ARAP1: variants seen among roughly 807,000 people sequenced by gnomAD.
The protein encoded by ARAP1 is ArfGAP with RhoGAP domain, ankyrin repeat and PH domain 1.
ARAP1 carries 76 observed loss-of-function variants against 172.2 expected under a neutral mutation model. The ratio of observed to expected loss-of-function variants is 0.44; its 90% CI spans 0.37 to 0.53. The LOEUF (loss-of-function observed/expected upper bound fraction) is 0.53, where lower values mean the gene tolerates loss of function less well. ARAP1 is among the 20% of genes least tolerant of loss of function. The pLI, the probability that ARAP1 is intolerant of heterozygous loss-of-function variation, is 0.00. For synonymous variants in ARAP1, 804 were observed against 803.3 expected, an observed-to-expected ratio of 1.00 and a Z score of -0.01; for missense variants, 1,686 against 1,977.5, an observed-to-expected ratio of 0.85 and a Z score of 2.80.
chr11:72,687,344 G>A (rs558764767), intron 33 of ARAP1, 95 bp downstream of exon 33: 13 of 1,460,506 alleles, frequency 8.9e-6, no homozygotes, highest in Admixed American at 1.7e-5. Context: ...CTTGAAGCAA[G>A]GGGTGGGTTG....
intron 1 of ARAP1, among the ~76,000 whole-genome samples, chr11:72,749,043 T>C (rs1289869343): frequency 6.6e-6 from 1 of 152,148 alleles, no homozygotes; most frequent in African/African-American, 2.4e-5. Flanking sequence ...GTGCTGACTC[T>C]AACCTGCCCA....
intron 3 of ARAP1, among the ~76,000 whole-genome samples, chr11:72,719,564 C>A (rs935897972): frequency 6.6e-6 from 1 of 152,208 alleles, no homozygotes; most frequent in Non-Finnish European, 1.5e-5. Flanking sequence ...AGAACCTCTT[C>A]ACCTTGAAGG....
At position 72,693,968 on chromosome 11, in the gene ARAP1, G is replaced by A. The variant is rs960071778; in HGVS notation, c.3695-163C>T. On this transcript the variant is annotated intron_variant, in intron 27 of 34. Transcript: ENST00000393609. This position sits in a 1 kb window ranked among gnomAD's most constrained non-coding sequence, Gnocchi z 4.6. ...TCATGACCACCCTTCCCATGACCAA[G>A]CTTCAGGCTTGACACACCTGGCTGT... is the stretch of plus-strand genomic sequence containing the variant. Among the ~76,000 whole-genome samples, 1 of 151,966 alleles carries A rather than the reference G, an allele frequency of 6.6e-6. No homozygotes were observed. The highest frequency in any genetic ancestry group is 2.4e-5 in the African/African-American group (1 of 41,356).
chr11:72,701,818 G>A, intron 15 of ARAP1, 35 bp from the exon 16 acceptor site: 1 of 1,607,366 alleles, frequency 6.2e-7, no homozygotes, highest in Non-Finnish European at 8.5e-7. Context: ...AGGTCATGCT[G>A]GCCACCCAAG....
At chr11:72,747,559 G>C (rs1422467785) in intron 1 of ARAP1, among the ~76,000 whole-genome samples, 1 of 152,228 alleles carries the variant, frequency 6.6e-6, no homozygotes, top group African/African-American at 2.4e-5. Flanking sequence ...CTCAAGCAGA[G>C]AGGTAGAATG....
At chr11:72,716,981 A>C (rs1394165086) in intron 3 of ARAP1, among the ~76,000 whole-genome samples, 1 of 152,150 alleles carries the variant, frequency 6.6e-6, no homozygotes, top group African/African-American at 2.4e-5. Context: ...CGTCTCCCCT[A>C]CATGACCTGA....
In ARAP1 at chr11:72,697,023, G is replaced by C. The variant is rs769865924; in HGVS notation, c.3126C>G (p.Leu1042=). ...KRFLRDLPDG[L]FTRAQRLTWL... ...AGGTTAGGCGCTGGGCGCGAGTGAA[G>C]AGCCCATCAGGCAGGTCGCGCAGGA... Residue 1042 remains leucine (L), a synonymous_variant, in exon 22 of 35, where the codon CTC becomes CTG. Coordinates refer to ENST00000393609, the MANE Select transcript of ARAP1 (RefSeq NM_001040118.3). 9 of 1,609,362 alleles carry C rather than the reference G, an allele frequency of 5.6e-6. 1 individual carries two copies. The South Asian group carries it at 9.9e-5, about 18-fold the overall frequency.
At chr11:72,729,491 G>A (rs147752702) in intron 2 of ARAP1, among the ~76,000 whole-genome samples, 267 of 152,198 alleles carry the variant, frequency 1.8e-3, no homozygotes, top group African/African-American at 6.2e-3. Flanking sequence ...TACTCAGGAG[G>A]CTAAGGCAGA....
Position 72,695,700 on chromosome 11 carries a change from C to T in ARAP1, c.3420+18G>A. 6.2e-7 allele frequency: 1 copy of T among 1,614,144 alleles called. No homozygotes were observed. Among genetic ancestry groups the T allele is most frequent in the Non-Finnish European group, 8.5e-7 (1 of 1,180,000 alleles). Reference sequence around the variant, plus strand: ...AGGATCACCCCTGCCCTCCACTGCCCACTGGCCAGGGACGCACACTAAACA... The same window carrying T: ...AGGATCACCCCTGCCCTCCACTGCCTACTGGCCAGGGACGCACACTAAACA... On this transcript the variant is annotated intron_variant, in intron 24 of 34. Transcript: ENST00000393609. This position sits in a 1 kb window ranked among gnomAD's most constrained non-coding sequence, Gnocchi z 4.4.
At chr11:72,685,829 CAG>C in intron 34 of ARAP1, 148 bp from the exon 35 acceptor site, 1 of 1,350,374 alleles carries the variant, frequency 7.4e-7, no homozygotes. Context: ...CAGGGCCAGG[CAG>C]AGGGGACTCC....
intron 2 of ARAP1, among the ~76,000 whole-genome samples, chr11:72,731,132 G>C (rs1316594041): frequency 6.6e-6 from 1 of 152,180 alleles, no homozygotes. Context: ...CTTCCTCCTA[G>C]GACGAAAACT....
chr11:72,695,635 A>C lies in ARAP1; in HGVS notation c.3421-7T>G. The C allele has an allele frequency of 6.2e-7, 1 of 1,614,044 alleles. No individual in the cohort carries two copies. Among genetic ancestry groups the C allele is most frequent in the Middle Eastern group, 1.6e-4 (1 of 6,062 alleles). ...TGAGCTCTTCCTCATCCACCTGGGA[A>C]GGGGCGAGAGGCAGGGACAGGTGGT... On this transcript the variant is annotated splice_region_variant and splice_polypyrimidine_tract_variant and intron_variant, in intron 24 of 34. Coordinates refer to ENST00000393609, the MANE Select transcript of ARAP1 (RefSeq NM_001040118.3). The surrounding 1 kb of genome is among the most constrained non-coding windows in gnomAD (Gnocchi z 4.4).
At position 72,704,206 on chromosome 11, in the gene ARAP1, C is replaced by T; in HGVS notation, c.1938G>A (p.Glu646=). ...RRCHLEAKYR[E]GKYRRYHPLF... ...GCGGGTGGTAGCGGCGGTACTTGCC[C>T]TCACGGTACTTGGCCTCCAGGTGGC... The change falls in exon 14 of 35, where the codon GAG becomes GAA. Residue 646 remains glutamate (E), a synonymous_variant. Coordinates refer to ENST00000393609, the MANE Select transcript of ARAP1 (RefSeq NM_001040118.3). 1 of 1,614,010 alleles carries T rather than the reference C, an allele frequency of 6.2e-7. No individual in the cohort carries two copies. Among genetic ancestry groups the T allele is most frequent in the Non-Finnish European group, 8.5e-7 (1 of 1,180,000 alleles).
intron 33 of ARAP1, 29 bp downstream of exon 33, chr11:72,687,410 C>T: frequency 6.2e-7 from 1 of 1,613,930 alleles, no homozygotes; most frequent in Non-Finnish European, 8.5e-7. Context: ...CAGGGACCCA[C>T]CCCACACCCC....
intron 5 of ARAP1, chr11:72,712,826 G>T (rs1857088842): frequency 1.6e-6 from 1 of 614,598 alleles, no homozygotes; most frequent in Non-Finnish European, 2.9e-6. Flanking sequence ...GAAAAAGACT[G>T]CGGGCTAGGG....
At position 72,702,997 on chromosome 11, in the gene ARAP1, G is replaced by T; in HGVS notation, c.2075C>A (p.Ser692Ter). ...GGGCGTGGGGGCCTCAGGGTCCCCC[G>T]AGAAGCAGTTGATCCCAGCCCCACA... ...LGCGAGINCF[S>*]GDPEAPTPLA... The change falls in exon 15 of 35, where the codon TCG becomes TAG. Residue 692 changes from serine (S) to a stop codon, truncating the protein, a stop_gained. Transcript: ENST00000393609. LOFTEE classifies it high-confidence loss of function. 1.3e-6 allele frequency: 2 copies of T among 1,575,652 alleles called. No homozygotes were observed. The highest frequency in any genetic ancestry group is 2.3e-5 in the East Asian group (1 of 43,018).
intron 2 of ARAP1, among the ~76,000 whole-genome samples, chr11:72,727,607 C>G (rs541236992): frequency 6.6e-6 from 1 of 152,194 alleles, no homozygotes; most frequent in Non-Finnish European, 1.5e-5. Flanking sequence ...AGGGCCAGGC[C>G]AAGGGCTTAG....
chr11:72,693,572 A>C lies in ARAP1; in HGVS notation c.3809-102T>G, dbSNP rs1341271084. ...CCCCATCCTGCCCCAGCCTCTCCAT[A>C]GAGGCCCACCCACTTGGCGCCCTCT... On this transcript the variant is annotated intron_variant, in intron 28 of 34. Transcript: ENST00000393609. The surrounding 1 kb of genome is among the most constrained non-coding windows in gnomAD (Gnocchi z 4.6). 1 of 1,544,782 alleles carries C rather than the reference A, an allele frequency of 6.5e-7. No homozygotes were observed. Among genetic ancestry groups the C allele is most frequent in the African/African-American group, 1.4e-5 (1 of 73,328 alleles).
intron 30 of ARAP1, among the ~76,000 whole-genome samples, chr11:72,691,205 G>A (rs865785209): frequency 6.6e-6 from 1 of 152,340 alleles, no homozygotes; most frequent in Middle Eastern, 3.4e-3. Context: ...CTGGAAGTGG[G>A]GACAGCCCTC....
Sources: allele counts gnomAD v4.1 joint callset (sites outside exome capture counted in the v4.1 genomes callset), GRCh38; gene constraint gnomAD v4.1.1; non-coding constraint Gnocchi (gnomAD v3.1); transcripts MANE v1.5; gene names NCBI Gene and HGNC (gene_info 2026-07-23, HGNC 2026-07-21).